Variants in CFAP44 observed in about 807,000 individuals in gnomAD.
CFAP44 encodes the protein cilia- and flagella-associated protein 44.
In CFAP44, 134 loss-of-function variants were observed where a neutral mutation model predicts 216.2. That is an observed-to-expected ratio of 0.62 (90% confidence interval 0.54 to 0.72). The LOEUF is 0.72. Ranked by LOEUF, CFAP44 falls within the 30% of genes least tolerant of loss-of-function variation. The pLI is 0.00. For synonymous variants in CFAP44, 700 were observed against 727.6 expected, an observed-to-expected ratio of 0.96 and a Z score of 0.61; for missense variants, 2,035 against 2,182.1, an observed-to-expected ratio of 0.93 and a Z score of 1.34.
intron 28 of CFAP44, among the ~76,000 whole-genome samples, chr3:113,323,171 C>T (rs1354589431): frequency 6.6e-6 from 1 of 152,116 alleles, no homozygotes; most frequent in Admixed American, 6.5e-5. Flanking sequence ...ACAGCCAAAC[C>T]ATAACACTGT....
At position 113,287,020 on chromosome 3, in the gene CFAP44, A is replaced by G; in HGVS notation, c.*4537T>C. The stretch of plus-strand genomic sequence containing the variant: ...AAATGTATATGTTTTATAATTCTGG[A>G]GAGACATAAGGAGTCCTACCCGTTG... On this transcript the variant is annotated 3_prime_UTR_variant, in exon 35 of 35. Transcript: ENST00000393845. The G allele has an allele frequency of 1.1e-6, 1 of 882,510 alleles. No individual in the cohort carries two copies. Among genetic ancestry groups the G allele is most frequent in the African/African-American group, 1.7e-5 (1 of 59,970 alleles). 54.7% of individuals were successfully genotyped at this position (882,510 alleles called of 1,614,324 possible). A position where few individuals can be genotyped will look rare whatever the true frequency, so the allele number is the denominator to read the frequency against.
At chr3:113,307,336 T>C (rs1202124953) in intron 29 of CFAP44, among the ~76,000 whole-genome samples, 1 of 152,236 alleles carries the variant, frequency 6.6e-6, no homozygotes, top group Non-Finnish European at 1.5e-5. Context: ...AACTGTCAAT[T>C]GTCTGCATAT....
intron 22 of CFAP44, among the ~76,000 whole-genome samples, chr3:113,356,053 A>C (rs912968836): frequency 1.3e-5 from 2 of 149,642 alleles, no homozygotes; most frequent in South Asian, 4.2e-4. Context: ...TTATTATAAT[A>C]TATTCTACAT....
At chr3:113,331,603 A>AGGCCGGGCGCGGTGGCTCACTCCTGT (rs1950241629) in intron 25 of CFAP44, among the ~76,000 whole-genome samples, 1 of 152,060 alleles carries the variant, frequency 6.6e-6, no homozygotes, top group Non-Finnish European at 1.5e-5. Context: ...GTTTAAACTC[A>AGGCCGGGCGCGGTGGCTCACTCCTGT]AAAGCCAGCA....
chr3:113,313,325 T>C, intron 28 of CFAP44, among the ~76,000 whole-genome samples: 1 of 152,144 alleles, frequency 6.6e-6, no homozygotes, highest in East Asian at 1.9e-4. Context: ...TTGCAATGGC[T>C]TTACTTACCC....
At chr3:113,435,993 A>AAT (rs1935230246) in intron 1 of CFAP44, among the ~76,000 whole-genome samples, 1 of 151,378 alleles carries the variant, frequency 6.6e-6, no homozygotes, top group Admixed American at 6.6e-5. Context: ...CTAATTGTAG[A>AAT]ATATATACCT....
chr3:113,376,292 T>C (rs1933342399), intron 17 of CFAP44, among the ~76,000 whole-genome samples: 1 of 152,178 alleles, frequency 6.6e-6, no homozygotes, highest in Non-Finnish European at 1.5e-5. Context: ...AGTAATGTCT[T>C]GGACAGGTTA....
intron 1 of CFAP44, chr3:113,433,897 G>A: frequency 2.8e-6 from 1 of 356,294 alleles, no homozygotes; most frequent in Non-Finnish European, 5.1e-6. Context: ...TAGGTAAATT[G>A]TCATTGTGGT....
intron 18 of CFAP44, among the ~76,000 whole-genome samples, chr3:113,369,902 C>T (rs551188908): frequency 6.6e-6 from 1 of 152,280 alleles, no homozygotes; most frequent in South Asian, 2.1e-4. Flanking sequence ...GGGGATATCA[C>T]CACTGATCCC....
At chr3:113,367,207 G>C (rs1270317985) in intron 18 of CFAP44, among the ~76,000 whole-genome samples, 1 of 152,242 alleles carries the variant, frequency 6.6e-6, no homozygotes, top group Non-Finnish European at 1.5e-5. Flanking sequence ...GAAGAGAGCA[G>C]TGGTTCTCCC....
chr3:113,353,273 C>G (rs770387539), intron 22 of CFAP44, among the ~76,000 whole-genome samples: 1 of 152,142 alleles, frequency 6.6e-6, no homozygotes, highest in Non-Finnish European at 1.5e-5. Context: ...CTAAAAGAAT[C>G]AGGCATTCTG....
Position 113,426,205 on chromosome 3 carries a change from A to C in CFAP44, c.326T>G (p.Phe109Cys), listed in dbSNP as rs755949642. The change falls in exon 4 of 35, where the codon TTC becomes TGC. Residue 109 changes from phenylalanine to cysteine, a missense_variant. Phe to Cys is a radical substitution (Grantham distance 205, BLOSUM62 -2). This residue lies in a region of CFAP44 where 149 missense variants were observed against 141.8 expected (regional missense o/e 1.05). Transcript: ENST00000393845. ...AGCAAGCTCCATATAATCATAGAAG[A>C]AGCTCTCTGATATTTTCTTCTTAAC... ...EEVKKKISES[F>C]FYDYMELASM... 5.0e-6 allele frequency: 8 copies of C among 1,614,010 alleles called. No individual in the cohort carries two copies. The highest frequency in any genetic ancestry group is 1.3e-5 in the African/African-American group (1 of 74,920).
chr3:113,303,014 T>C (rs1272482728), intron 32 of CFAP44, among the ~76,000 whole-genome samples: 1 of 152,126 alleles, frequency 6.6e-6, no homozygotes, highest in African/African-American at 2.4e-5. Context: ...TCAAAAAATG[T>C]GAATAAAAAC....
chr3:113,356,816 T>C (rs575627346), intron 22 of CFAP44, among the ~76,000 whole-genome samples: 16 of 152,194 alleles, frequency 1.1e-4, no homozygotes, highest in African/African-American at 3.9e-4. Flanking sequence ...TGAACTTCAG[T>C]AAAAGAAAAA....
intron 25 of CFAP44, 91 bp from the exon 26 acceptor site, chr3:113,330,759 C>G (rs950428510): frequency 1.7e-5 from 24 of 1,406,872 alleles, no homozygotes; most frequent in Non-Finnish European, 2.2e-5. Flanking sequence ...TGCTGAAAGG[C>G]CTAGAAAAAA....
At chr3:113,394,627 G>T (rs997747166) in intron 15 of CFAP44, among the ~76,000 whole-genome samples, 3 of 152,034 alleles carry the variant, frequency 2.0e-5, no homozygotes, top group Non-Finnish European at 2.9e-5. Context: ...TATACCAGGG[G>T]TGTCCAATCT....
In CFAP44 at chr3:113,401,576, C is replaced by G. The variant is rs779493411; in HGVS notation, c.1326+8G>C. ...GTTAAAGAGCCAAGAGACAAGAATG[C>G]AACACACCTGAGCCAACCAAAAGTT... On this transcript the variant is annotated splice_region_variant and intron_variant, in intron 10 of 34. Transcript: ENST00000393845. 6.2e-7 allele frequency: 1 copy of G among 1,612,366 alleles called. No individual in the cohort carries two copies. Among genetic ancestry groups the G allele is most frequent in the Non-Finnish European group, 8.5e-7 (1 of 1,179,424 alleles).
intron 32 of CFAP44, 49 bp from the exon 33 acceptor site, chr3:113,296,934 T>C: frequency 6.6e-7 from 1 of 1,525,826 alleles, no homozygotes; most frequent in Non-Finnish European, 8.8e-7. Flanking sequence ...CTCCCATTGT[T>C]ATAAATGAAC....
At chr3:113,327,465 T>G in intron 27 of CFAP44, 151 bp downstream of exon 27, 1 of 652,806 alleles carries the variant, frequency 1.5e-6, no homozygotes, top group Non-Finnish European at 2.5e-6. Flanking sequence ...GGAGACTAGG[T>G]AGGAATAACA....
Sources: allele counts gnomAD v4.1 joint callset (sites outside exome capture counted in the v4.1 genomes callset), GRCh38; gene constraint gnomAD v4.1.1; regional missense constraint gnomAD v4.1.1; transcripts MANE v1.5; gene names NCBI Gene and HGNC (gene_info 2026-07-23, HGNC 2026-07-21).